CLASP2: variants seen among roughly 807,000 people sequenced by gnomAD.
The protein encoded by CLASP2 is CLIP-associating protein 2.
CLASP2 carries 47 observed loss-of-function variants against 194.4 expected under a neutral mutation model. The ratio of observed to expected loss-of-function variants is 0.24; its 90% CI spans 0.19 to 0.31. The LOEUF is 0.31. Ranked by LOEUF, CLASP2 falls within the 10% of genes least tolerant of loss-of-function variation. CLASP2 has a pLI of 1.00. For synonymous variants in CLASP2, 619 were observed against 633.5 expected (o/e 0.98, Z 0.34); for missense variants, 1,445 against 1,823.6 (o/e 0.79, Z 3.78).
chr3:33,689,382 T>C (rs1007562361), intron 3 of CLASP2, among the ~76,000 whole-genome samples: 2 of 144,062 alleles, frequency 1.4e-5, no homozygotes, highest in African/African-American at 2.5e-5. Context: ...CCACAATATT[T>C]AAAAAAAAAA....
At chr3:33,711,930 G>A (rs1348189358) in intron 1 of CLASP2, among the ~76,000 whole-genome samples, 4 of 152,096 alleles carry the variant, frequency 2.6e-5, no homozygotes, top group Non-Finnish European at 5.9e-5. Context: ...TACTGCTGGT[G>A]TCCACTCTGA....
intron 20 of CLASP2, among the ~76,000 whole-genome samples, chr3:33,593,543 G>A (rs1304561869): frequency 6.6e-6 from 1 of 152,108 alleles, no homozygotes; most frequent in Admixed American, 6.6e-5. Context: ...AAAGATAAGA[G>A]AGTAATAAGA....
intron 22 of CLASP2, among the ~76,000 whole-genome samples, chr3:33,584,026 T>C (rs2066760874): frequency 1.3e-5 from 2 of 152,196 alleles, no homozygotes. Context: ...TTTTAATGTT[T>C]AAGCTGGCTT....
intron 27 of CLASP2, among the ~76,000 whole-genome samples, chr3:33,562,702 G>GT (rs1028782089): frequency 2.5e-4 from 38 of 152,238 alleles, no homozygotes; most frequent in Middle Eastern, 3.4e-3. Flanking sequence ...CTATGCTCCT[G>GT]AAGATTACAA....
intron 36 of CLASP2, among the ~76,000 whole-genome samples, chr3:33,512,797 G>T (rs2050279539): frequency 6.6e-6 from 1 of 151,320 alleles, no homozygotes; most frequent in South Asian, 2.1e-4. Flanking sequence ...AGACCACCCT[G>T]GCTAACATGG....
intron 1 of CLASP2, among the ~76,000 whole-genome samples, chr3:33,699,593 A>G (rs1324698043): frequency 1.3e-5 from 2 of 152,180 alleles, no homozygotes; most frequent in Non-Finnish European, 2.9e-5. Context: ...TAAGTAATAC[A>G]TCCCAAGACC....
At chr3:33,570,869 C>CT in intron 25 of CLASP2, 79 bp from the exon 26 acceptor site, 2 of 761,664 alleles carry the variant, frequency 2.6e-6, no homozygotes, top group Non-Finnish European at 3.5e-6. Flanking sequence ...ATATAATTTT[C>CT]TTTAAAAAAA....
Position 33,710,794 on chromosome 3 carries a change from G to A in CLASP2, c.195+7014C>T, listed in dbSNP as rs184229805. Among the ~76,000 whole-genome samples, 335 of 152,198 alleles carry A rather than the reference G, an allele frequency of 2.2e-3. 5 individuals carry two copies. Among genetic ancestry groups the A allele is most frequent in the African/African-American group, 7.8e-3 (324 of 41,536 alleles). Reference sequence around the variant, plus strand: ...TACTAAAAATACAAAAATTAGCTGGGCATGGTGGCATACACCTGTAGTCCC... The same window carrying A: ...TACTAAAAATACAAAAATTAGCTGGACATGGTGGCATACACCTGTAGTCCC... On this transcript the variant is annotated intron_variant, in intron 1 of 38. Coordinates refer to ENST00000682230, the MANE Select transcript of CLASP2 (RefSeq NM_001365631.1).
chr3:33,553,339 T>C (rs375821647), intron 29 of CLASP2, among the ~76,000 whole-genome samples: 3 of 151,926 alleles, frequency 2.0e-5, no homozygotes, highest in Non-Finnish European at 1.5e-5. Flanking sequence ...AAAGCAAAAA[T>C]AGACAAATGA....
chr3:33,684,283 A>C (rs2090307759), intron 6 of CLASP2, 76 bp downstream of exon 6: 1 of 766,324 alleles, frequency 1.3e-6, no homozygotes, highest in Non-Finnish European at 2.1e-6. Flanking sequence ...AAATACATTG[A>C]AATACACAAA....
At chr3:33,588,806 T>C (rs1015238678) in intron 21 of CLASP2, 1 of 691,104 alleles carries the variant, frequency 1.4e-6, no homozygotes, top group Admixed American at 2.1e-5. Context: ...TTTAAATGGA[T>C]GGCAGATGGA....
At chr3:33,631,696 C>CA (rs543092852) in intron 9 of CLASP2, among the ~76,000 whole-genome samples, 21,650 of 106,770 alleles carry the variant, frequency 0.2, 1,855 homozygotes, top group East Asian at 0.33. Context: ...GACTTCATCT[C>CA]AAAAAAAAAA....
At position 33,497,438 on chromosome 3, in the gene CLASP2, G is replaced by C. The variant is rs143936549; in HGVS notation, c.*1193C>G. 3.6e-3 allele frequency: 547 copies of C among 152,672 alleles called. 5 individuals are homozygous for C. The Middle Eastern group carries it at 0.051, about 14-fold the overall frequency. The allele number at this position is 152,672 out of a possible 1,614,324, so 9.5% of individuals were successfully genotyped here. Reference sequence around the variant, plus strand: ...GCTGCACATGAAAAGAATGGGTGTAGCAAGAGGTGATTAAAAAAATTTGCT... The same window carrying C: ...GCTGCACATGAAAAGAATGGGTGTACCAAGAGGTGATTAAAAAAATTTGCT... On this transcript the variant is annotated 3_prime_UTR_variant, in exon 39 of 39. Coordinates refer to ENST00000682230, the MANE Select transcript of CLASP2 (RefSeq NM_001365631.1).
intron 7 of CLASP2, among the ~76,000 whole-genome samples, chr3:33,646,521 A>T (rs908666082): frequency 2.2e-4 from 33 of 151,616 alleles, no homozygotes; most frequent in African/African-American, 7.3e-4. Context: ...CTGTTATGTT[A>T]AAAAAAATGC....
At chr3:33,511,110 A>G (rs1559793740) in intron 36 of CLASP2, among the ~76,000 whole-genome samples, 1 of 146,852 alleles carries the variant, frequency 6.8e-6, no homozygotes, top group Non-Finnish European at 1.5e-5. Context: ...ATCAGTCACT[A>G]TAGCCTCAAA....
At chr3:33,587,478 T>C (rs541048731) in intron 21 of CLASP2, among the ~76,000 whole-genome samples, 1 of 152,332 alleles carries the variant, frequency 6.6e-6, no homozygotes, top group Admixed American at 6.5e-5. Context: ...ATACAATTTA[T>C]ATTAATGCTT....
chr3:33,695,405 A>AT lies in CLASP2; in HGVS notation c.274+1449_274+1450insA, dbSNP rs1335698570. ...GGGGAGACTAACAGCTTAAAAAAAA[A>AT]AATCTTTTCAGAAAATATTAACACA... On this transcript the variant is annotated intron_variant, in intron 2 of 38. Transcript: ENST00000682230. Among the ~76,000 whole-genome samples the AT allele has an allele frequency of 2.0e-5, 3 of 151,928 alleles. No homozygotes were observed. The East Asian group carries it at 5.8e-4, about 29-fold the overall frequency.
intron 4 of CLASP2, among the ~76,000 whole-genome samples, chr3:33,687,731 TA>T (rs574195592): frequency 9.5e-4 from 145 of 152,276 alleles, no homozygotes; most frequent in African/African-American, 3.2e-3. Flanking sequence ...GCATAGAACC[TA>T]AAAAAATAAT....
intron 24 of CLASP2, 189 bp from the exon 25 acceptor site, chr3:33,573,543 G>A: frequency 2.9e-6 from 2 of 678,198 alleles, no homozygotes; most frequent in Non-Finnish European, 5.2e-6. Flanking sequence ...TTAGTAGAAG[G>A]TAAAATAATC....
Sources: allele counts gnomAD v4.1 joint callset (sites outside exome capture counted in the v4.1 genomes callset), GRCh38; gene constraint gnomAD v4.1.1; transcripts MANE v1.5; gene names NCBI Gene and HGNC (gene_info 2026-07-23, HGNC 2026-07-21).